SLX4IP: variants seen among roughly 807,000 people sequenced by gnomAD.
SLX4IP encodes SLX4 interacting protein.
A neutral mutation model predicts 32.9 loss-of-function variants in SLX4IP; 34 were observed. The ratio of observed to expected loss-of-function variants is 1.03; its 90% CI spans 0.79 to 1.38. The LOEUF (loss-of-function observed/expected upper bound fraction) is 1.38. SLX4IP is among the 40% of genes most tolerant of loss of function. The pLI is 0.00. For missense variants in SLX4IP, 444 were observed against 479.0 expected, an observed-to-expected ratio of 0.93 and a Z score of 0.68; for synonymous variants, 172 against 171.7, an observed-to-expected ratio of 1.00 and a Z score of -0.01.
chr20:10,618,152 T>A (rs2067060664), intron 6 of SLX4IP, among the ~76,000 whole-genome samples: 1 of 152,222 alleles, frequency 6.6e-6, no homozygotes, highest in African/African-American at 2.4e-5. Flanking sequence ...TTCCCCTTGG[T>A]TCTGTACTGG....
At chr20:10,614,124 C>T (rs1263687558) in intron 6 of SLX4IP, 26 of 1,450,976 alleles carry the variant, frequency 1.8e-5, no homozygotes, top group South Asian at 2.4e-5. Context: ...GTAGCCTCGT[C>T]GGACCTCGCC....
intron 2 of SLX4IP, among the ~76,000 whole-genome samples, chr20:10,496,971 T>G (rs1190751575): frequency 6.6e-6 from 1 of 152,220 alleles, no homozygotes; most frequent in Non-Finnish European, 1.5e-5. Flanking sequence ...TTTCACAGTG[T>G]TTTCTTAATA....
At chr20:10,588,009 G>A (rs1455262403) in intron 4 of SLX4IP, among the ~76,000 whole-genome samples, 1 of 151,816 alleles carries the variant, frequency 6.6e-6, no homozygotes, top group African/African-American at 2.4e-5. Context: ...CTTCTGTGCA[G>A]CAAAGGAAAC....
intron 2 of SLX4IP, among the ~76,000 whole-genome samples, chr20:10,496,831 A>T (rs1244116378): frequency 6.6e-6 from 1 of 152,218 alleles, no homozygotes; most frequent in Admixed American, 6.5e-5. Flanking sequence ...GCTTGGGGTC[A>T]TATCATCTAC....
chr20:10,526,371 A>ATTGGGT (rs1300367761), intron 2 of SLX4IP, among the ~76,000 whole-genome samples: 1 of 152,170 alleles, frequency 6.6e-6, no homozygotes, highest in Admixed American at 6.5e-5. Context: ...TATGAGAATC[A>ATTGGGT]TTGGGTTTGG....
chr20:10,613,351 T>C, intron 6 of SLX4IP: 2 of 1,120,938 alleles, frequency 1.8e-6, no homozygotes, highest in Non-Finnish European at 2.7e-6. Flanking sequence ...AAGAGTTGAA[T>C]TGCTTTTTGC....
At chr20:10,551,062 A>G (rs1410322513) in intron 2 of SLX4IP, among the ~76,000 whole-genome samples, 1 of 152,186 alleles carries the variant, frequency 6.6e-6, no homozygotes. Context: ...TGCTCCAGAG[A>G]TGGCTTTGTG....
chr20:10,615,729 A>G (rs1316259274), intron 6 of SLX4IP, among the ~76,000 whole-genome samples: 1 of 152,154 alleles, frequency 6.6e-6, no homozygotes, highest in African/African-American at 2.4e-5. Context: ...TATTGTTCTC[A>G]AGGCTGGGAA....
chr20:10,477,084 C>T (rs2065480920), intron 2 of SLX4IP, among the ~76,000 whole-genome samples: 1 of 152,184 alleles, frequency 6.6e-6, no homozygotes, highest in African/African-American at 2.4e-5. Flanking sequence ...TTTCCCGTAT[C>T]AAGAGCAGAC....
chr20:10,440,597 G>A (rs1403456341), intron 1 of SLX4IP, among the ~76,000 whole-genome samples: 1 of 152,094 alleles, frequency 6.6e-6, no homozygotes, highest in Non-Finnish European at 1.5e-5. Context: ...TCAGCACATG[G>A]AACAGTTCCA....
At chr20:10,545,364 GT>G (rs2066152188) in intron 2 of SLX4IP, among the ~76,000 whole-genome samples, 1 of 152,112 alleles carries the variant, frequency 6.6e-6, no homozygotes, top group African/African-American at 2.4e-5. Context: ...CTTCAATGCT[GT>G]TTTGTCTCCT....
intron 4 of SLX4IP, among the ~76,000 whole-genome samples, chr20:10,575,872 T>C (rs886856050): frequency 2.3e-4 from 35 of 151,950 alleles, no homozygotes; most frequent in Non-Finnish European, 4.6e-4. Flanking sequence ...AAGGAGAAAA[T>C]GGATACTAGT....
intron 6 of SLX4IP, among the ~76,000 whole-genome samples, chr20:10,604,646 C>T (rs540638344): frequency 2.6e-5 from 4 of 152,366 alleles, no homozygotes; most frequent in Non-Finnish European, 4.4e-5. Context: ...AGCACCACAG[C>T]GCCAGGGAGG....
At chr20:10,612,994 G>A (rs536569826) in intron 6 of SLX4IP, 1 of 197,370 alleles carries the variant, frequency 5.1e-6, no homozygotes, top group Non-Finnish European at 1.0e-5. Flanking sequence ...AGATCATTAA[G>A]ACCAAATGTA....
chr20:10,449,342 T>C (rs2122328309), intron 1 of SLX4IP, among the ~76,000 whole-genome samples: 1 of 152,358 alleles, frequency 6.6e-6, no homozygotes, highest in South Asian at 2.1e-4. Context: ...TTTCTTTCTT[T>C]CTTTGATTAA....
chr20:10,438,637 C>T (rs1414562591), intron 1 of SLX4IP, among the ~76,000 whole-genome samples: 1 of 151,620 alleles, frequency 6.6e-6, no homozygotes, highest in Non-Finnish European at 1.5e-5. Context: ...TTCACCATGC[C>T]CAGCTAATTT....
At chr20:10,535,441 C>T (rs1416518550) in intron 2 of SLX4IP, among the ~76,000 whole-genome samples, 1 of 152,124 alleles carries the variant, frequency 6.6e-6, no homozygotes, top group East Asian at 1.9e-4. Flanking sequence ...CCTGCCTCAG[C>T]CTTCCAAGTA....
chr20:10,571,975 C>A (rs935141991), intron 4 of SLX4IP, among the ~76,000 whole-genome samples: 1 of 152,278 alleles, frequency 6.6e-6, no homozygotes, highest in Middle Eastern at 3.4e-3. Context: ...AATACCTTCC[C>A]TTCAGCCCCA....
At chr20:10,614,304 C>T in intron 6 of SLX4IP, 1 of 591,698 alleles carries the variant, frequency 1.7e-6, no homozygotes. Flanking sequence ...ACCTTGAGAA[C>T]AATTTTAAAG....
Sources: gnomAD v4.1 joint callset for allele counts (sites outside exome capture counted in the v4.1 genomes callset) on GRCh38, gnomAD v4.1.1 for gene constraint, MANE v1.5 for transcripts, NCBI Gene and HGNC (gene_info 2026-07-23, HGNC 2026-07-21) for gene names.